DAB2IP: variants seen among roughly 807,000 people sequenced by gnomAD.
The protein encoded by DAB2IP is DAB2 interacting protein, also known as disabled homolog 2-interacting protein.
DAB2IP carries 28 observed loss-of-function variants against 107.2 expected under a neutral mutation model. The ratio of observed to expected loss-of-function variants is 0.26; its 90% CI spans 0.19 to 0.36. DAB2IP has a LOEUF of 0.36. Among genes scored for constraint, DAB2IP ranks in the 10% least tolerant of loss-of-function variants. The pLI is 1.00. For missense variants in DAB2IP, 1,400 were observed against 1,644.7 expected (o/e 0.85, Z 2.57); for synonymous variants, 755 against 706.4 (o/e 1.07, Z -1.09).
intron 1 of DAB2IP, among the ~76,000 whole-genome samples, chr9:121,591,333 G>A (rs757214284): frequency 1.1e-4 from 16 of 152,240 alleles, no homozygotes; most frequent in Admixed American, 2.0e-4. Context: ...GTTGGTTGCA[G>A]TGATGCATGC....
intron 3 of DAB2IP, among the ~76,000 whole-genome samples, chr9:121,747,855 C>T (rs993443770): frequency 6.2e-5 from 8 of 128,804 alleles, no homozygotes; most frequent in South Asian, 2.4e-4. Flanking sequence ...CCTCCTCCCC[C>T]GCAAAAAAAA....
At chr9:121,754,911 C>T (rs1355313191) in intron 3 of DAB2IP, among the ~76,000 whole-genome samples, 1 of 152,172 alleles carries the variant, frequency 6.6e-6, no homozygotes, top group African/African-American at 2.4e-5. Flanking sequence ...TGGGTCCCTA[C>T]CCCACCCTCC....
intron 1 of DAB2IP, among the ~76,000 whole-genome samples, chr9:121,573,565 G>A (rs1446416891): frequency 6.6e-6 from 1 of 151,504 alleles, no homozygotes; most frequent in East Asian, 1.9e-4. Context: ...TTCTGTTTTT[G>A]TAGAGATGGG....
chr9:121,760,546 C>T lies in DAB2IP; in HGVS notation c.1170+107C>T. The T allele has an allele frequency of 1.5e-6, 2 of 1,342,942 alleles. No individual in the cohort carries two copies. The highest frequency in any genetic ancestry group is 2.0e-6 in the Non-Finnish European group (2 of 1,013,890). The allele number at this position is 1,342,942 out of a possible 1,614,324, so 83.2% of individuals were successfully genotyped here. A position where few individuals can be genotyped will look rare whatever the true frequency, so the allele number is the denominator to read the frequency against. ...AGGCCTAACAGAGGCCTTGGAGGCACCGGTCACTACCAGAAGGGCTCCCTA... is the reference window on the plus strand; with the variant it reads ...AGGCCTAACAGAGGCCTTGGAGGCATCGGTCACTACCAGAAGGGCTCCCTA... On this transcript the variant is annotated intron_variant, in intron 6 of 15. Transcript: ENST00000408936. This position sits in a 1 kb window ranked among gnomAD's most constrained non-coding sequence, Gnocchi z 5.9.
At chr9:121,623,684 T>C (rs1831549761) in intron 1 of DAB2IP, among the ~76,000 whole-genome samples, 2 of 150,904 alleles carry the variant, frequency 1.3e-5, no homozygotes, top group African/African-American at 4.9e-5. Context: ...AAGGTTGTTT[T>C]GTTTTGTTTT....
Position 121,772,923 on chromosome 9 carries a change from A to T in DAB2IP, c.2395A>T (p.Thr799Ser). 6.4e-7 allele frequency: 1 copy of T among 1,563,216 alleles called. No individual in the cohort carries two copies. The highest frequency in any genetic ancestry group is 1.2e-5 in the South Asian group (1 of 83,096). Residue 799 changes from threonine (T) to serine (S), a missense_variant, in exon 12 of 16, where the codon ACG becomes TCG. Transcript: ENST00000408936. The surrounding 1 kb of genome is among the most constrained non-coding windows in gnomAD (Gnocchi z 4.7). ...CCCAGTGAACCTGGCAGGGCTGGCC[A>T]CGGTGCGGCGGGCAGGCCAGACACC...
chr9:121,579,041 G>A (rs1258913531), intron 1 of DAB2IP, among the ~76,000 whole-genome samples: 2 of 152,072 alleles, frequency 1.3e-5, no homozygotes, highest in Non-Finnish European at 2.9e-5. Context: ...TCTCGGGTGA[G>A]GCTCTGGTTG....
chr9:121,695,737 G>A (rs76390393), intron 2 of DAB2IP, among the ~76,000 whole-genome samples: 2,734 of 152,320 alleles, frequency 0.018, 74 homozygotes, highest in African/African-American at 0.062. Flanking sequence ...AGCTAGGCCC[G>A]ACACATGTCA....
intron 14 of DAB2IP, among the ~76,000 whole-genome samples, chr9:121,779,370 G>A (rs1003331199): frequency 6.6e-6 from 1 of 152,150 alleles, no homozygotes; most frequent in African/African-American, 2.4e-5. Context: ...TGTTTTTACT[G>A]ATTTATTTTC....
intron 3 of DAB2IP, among the ~76,000 whole-genome samples, chr9:121,721,515 G>A (rs1830932053): frequency 6.6e-6 from 1 of 152,216 alleles, no homozygotes; most frequent in South Asian, 2.1e-4. Flanking sequence ...TGGCATCTGT[G>A]TCCATCTGGA....
chr9:121,622,324 A>G (rs934391953), intron 1 of DAB2IP, among the ~76,000 whole-genome samples: 3 of 152,054 alleles, frequency 2.0e-5, no homozygotes, highest in African/African-American at 7.2e-5. Context: ...GGCTCCTTCC[A>G]TAGAAGCAAT....
At chr9:121,567,274 C>A in intron 1 of DAB2IP, 1 of 1,613,256 alleles carries the variant, frequency 6.2e-7, no homozygotes, top group Non-Finnish European at 8.5e-7. Context: ...TTCAGCCTCT[C>A]TGCTCAACAG....
upstream of DAB2IP, among the ~76,000 whole-genome samples, chr9:121,649,576 C>G (rs1832666696): frequency 2.0e-5 from 3 of 152,202 alleles, no homozygotes; most frequent in Admixed American, 2.0e-4. Context: ...AACTCAGGCC[C>G]TGGGAGCAGG....
intron 1 of DAB2IP, among the ~76,000 whole-genome samples, chr9:121,608,861 C>T (rs1242300563): frequency 6.6e-6 from 1 of 152,222 alleles, no homozygotes; most frequent in African/African-American, 2.4e-5. Context: ...TCTGCTGCCT[C>T]TTGGTTTGGG....
intron 1 of DAB2IP, among the ~76,000 whole-genome samples, chr9:121,675,442 G>A (rs1461469802): frequency 6.6e-6 from 1 of 152,206 alleles, no homozygotes. Context: ...GGCATTAGAA[G>A]CAGTCGGGCT....
exon 16 of DAB2IP, chr9:121,783,876 T>G: frequency 1.3e-5 from 5 of 381,836 alleles, no homozygotes; most frequent in East Asian, 4.6e-5. Flanking sequence ...CCCCTGTCTG[T>G]TCCCAGCCCC....
intron 1 of DAB2IP, among the ~76,000 whole-genome samples, chr9:121,573,138 G>A (rs1386998803): frequency 7.2e-5 from 11 of 152,070 alleles, no homozygotes; most frequent in African/African-American, 2.7e-4. Context: ...GTGCAATGGC[G>A]CAATCTCGGC....
At chr9:121,623,256 G>T (rs762769559) in intron 1 of DAB2IP, among the ~76,000 whole-genome samples, 19 of 152,314 alleles carry the variant, frequency 1.2e-4, no homozygotes, top group South Asian at 2.1e-4. Flanking sequence ...CAGGGGTGGT[G>T]CAGGGCCAGT....
intron 1 of DAB2IP, among the ~76,000 whole-genome samples, chr9:121,610,822 G>A (rs1414795820): frequency 6.6e-6 from 1 of 152,086 alleles, no homozygotes; most frequent in Non-Finnish European, 1.5e-5. Context: ...TTCACGGACC[G>A]CCAGTCCTGG....
Sources: gnomAD v4.1 joint callset for allele counts (sites outside exome capture counted in the v4.1 genomes callset) on GRCh38, gnomAD v4.1.1 for gene constraint, Gnocchi (gnomAD v3.1) non-coding constraint, MANE v1.5 for transcripts, NCBI Gene and HGNC (gene_info 2026-07-23, HGNC 2026-07-21) for gene names.